The following SYNRG variants were observed in gnomAD, a reference collection of about 807,000 sequenced individuals.
SYNRG encodes the protein AP1 gamma subunit binding protein 1.
Under a neutral mutation model 130.9 loss-of-function variants are expected in SYNRG, and 37 were observed. That is an observed-to-expected ratio of 0.28 (90% CI 0.22 to 0.37). The LOEUF (loss-of-function observed/expected upper bound fraction) is 0.37. Ranked by LOEUF, SYNRG falls within the 10% of genes least tolerant of loss-of-function variation. The pLI, the probability that SYNRG is intolerant of heterozygous loss-of-function variation, is 1.00. For missense variants in SYNRG, 1,338 were observed against 1,588.9 expected (o/e 0.84, Z 2.68); for synonymous variants, 539 against 568.1 (o/e 0.95, Z 0.73).
rs187822738 is a variant in SYNRG, at chr17:37,517,650, T to C, written c.*1290A>G. On this transcript the variant is annotated 3_prime_UTR_variant, in exon 22 of 22. Coordinates refer to ENST00000612223, the MANE Select transcript of SYNRG (RefSeq NM_007247.6). ...AAATTATGTAAAAGCAGCAATTATA[T>C]AGACAAGACCAACTTTTTCAGTTTA... is the stretch of plus-strand genomic sequence containing the variant. 1.3e-5 allele frequency: 2 copies of C among 152,254 alleles called. No individual in the cohort carries two copies. The highest frequency in any genetic ancestry group is 2.1e-4 in the South Asian group (1 of 4,822). 9.4% of individuals were successfully genotyped at this position (152,254 alleles called of 1,614,324 possible).
intron 13 of SYNRG, among the ~76,000 whole-genome samples, chr17:37,559,629 G>A (rs1437664355): frequency 6.6e-6 from 1 of 152,176 alleles, no homozygotes; most frequent in Admixed American, 6.5e-5. Flanking sequence ...GGTGGAGGTT[G>A]CAGTGAGCCA....
chr17:37,534,241 C>A (rs2056977075), intron 19 of SYNRG, among the ~76,000 whole-genome samples: 1 of 151,800 alleles, frequency 6.6e-6, no homozygotes, highest in Admixed American at 6.6e-5. Context: ...CCATGCCCAG[C>A]CTAATTTCAT....
chr17:37,528,723 C>T (rs558848073), intron 19 of SYNRG, among the ~76,000 whole-genome samples: 42 of 152,182 alleles, frequency 2.8e-4, no homozygotes, highest in Non-Finnish European at 4.1e-4. Context: ...TACATTTATG[C>T]AGCTATTCTT....
intron 19 of SYNRG, among the ~76,000 whole-genome samples, chr17:37,534,506 G>C (rs895831048): frequency 6.6e-6 from 1 of 152,022 alleles, no homozygotes; most frequent in African/African-American, 2.4e-5. Flanking sequence ...CATGACAGGG[G>C]TGAGCCACTG....
rs1598740018 is a variant in SYNRG at position 37,609,411 on chromosome 17, C to G, written c.-56G>C. 5 of 1,358,808 alleles carry G rather than the reference C, an allele frequency of 3.7e-6. No individual in the cohort carries two copies. In the East Asian group the frequency reaches 1.2e-4, roughly 34 times the overall value. The allele number at this position is 1,358,808 out of a possible 1,614,324, so 84.2% of individuals were successfully genotyped here. Reference sequence around the variant, plus strand: ...CCGCCACCTTATCAGCAGCTGTCAGCTGAACACAGCCACTTCCGGGTCAAA... The same window carrying G: ...CCGCCACCTTATCAGCAGCTGTCAGGTGAACACAGCCACTTCCGGGTCAAA... On this transcript the variant is annotated 5_prime_UTR_variant, in exon 1 of 22. Transcript: ENST00000612223.
intron 3 of SYNRG, among the ~76,000 whole-genome samples, chr17:37,590,970 G>A (rs1297785900): frequency 6.6e-6 from 1 of 152,052 alleles, no homozygotes; most frequent in Non-Finnish European, 1.5e-5. Context: ...CAACTTCTGA[G>A]GAAGGAGAGG....
chr17:37,534,011 T>C (rs2056944163), intron 19 of SYNRG, among the ~76,000 whole-genome samples: 1 of 137,720 alleles, frequency 7.3e-6, no homozygotes, highest in Non-Finnish European at 1.5e-5. Context: ...CTCAGCTTAC[T>C]ACAACCTCCA....
At chr17:37,562,639 G>T (rs751191302) in intron 11 of SYNRG, among the ~76,000 whole-genome samples, 2 of 152,148 alleles carry the variant, frequency 1.3e-5, no homozygotes, top group Non-Finnish European at 2.9e-5. Context: ...TGCTAATGGG[G>T]TACACAGTCC....
In SYNRG at chr17:37,542,304, G is replaced by A; in HGVS notation, c.2870C>T (p.Pro957Leu). The A allele has an allele frequency of 1.2e-6, 2 of 1,614,204 alleles. No homozygotes were observed. The highest frequency in any genetic ancestry group is 1.7e-6 in the Non-Finnish European group (2 of 1,180,048). Reference sequence around the variant, plus strand: ...GGCAAGAGCTGGGAAGGTGGTCTCTGGAAGAGCATCTTCACTTACAAAGGT... The same window carrying A: ...GGCAAGAGCTGGGAAGGTGGTCTCTAGAAGAGCATCTTCACTTACAAAGGT... ...VTTFVSEDAL[P>L]ETTFPALASF... Residue 957 changes from proline to leucine, a missense_variant, in exon 15 of 22, where the codon CCA becomes CTA. By Grantham distance (98) the Pro-to-Leu change is moderately conservative (BLOSUM62 -3). Transcript: ENST00000612223.
At position 37,519,389 on chromosome 17, in the gene SYNRG, A is replaced by G. The variant is rs1345089343; in HGVS notation, c.3814-318T>C. On this transcript the variant is annotated intron_variant, in intron 21 of 21. Transcript: ENST00000612223. ...GAACTGAAGTAGCCAAGGGCTGTGG[A>G]TAGCTTTCATCCCTCACTGTGCTGA... Among the ~76,000 whole-genome samples the G allele has an allele frequency of 4.6e-5, 7 of 152,262 alleles. No individual in the cohort carries two copies. The East Asian group carries it at 1.2e-3, about 25-fold the overall frequency.
chr17:37,582,756 G>A lies in SYNRG; in HGVS notation c.589+1892C>T, dbSNP rs148419408. Among the ~76,000 whole-genome samples the A allele has an allele frequency of 6.4e-3, 972 of 152,162 alleles. 6 individuals are homozygous for A. The highest frequency in any genetic ancestry group is 0.022 in the African/African-American group (919 of 41,488). ...CGCATCTGTAGTCCCGGTTACTCAC[G>A]AGGTTGAAGTGGTAGGATTGTCTGA... is the stretch of plus-strand genomic sequence containing the variant. On this transcript the variant is annotated intron_variant, in intron 6 of 21. Coordinates refer to ENST00000612223, the MANE Select transcript of SYNRG (RefSeq NM_007247.6).
chr17:37,595,740 C>T (rs1035339158), intron 3 of SYNRG, among the ~76,000 whole-genome samples: 1 of 150,420 alleles, frequency 6.6e-6, no homozygotes, highest in Non-Finnish European at 1.5e-5. Context: ...AAGCAAAAAC[C>T]TTTTTTTCCT....
chr17:37,562,716 T>C (rs184716989), intron 11 of SYNRG, among the ~76,000 whole-genome samples: 14 of 152,268 alleles, frequency 9.2e-5, no homozygotes, highest in African/African-American at 3.1e-4. Flanking sequence ...ACATAACTGA[T>C]CTTGACAAAT....
At chr17:37,550,549 C>T (rs1387497704) in intron 14 of SYNRG, among the ~76,000 whole-genome samples, 1 of 151,760 alleles carries the variant, frequency 6.6e-6, no homozygotes, top group Non-Finnish European at 1.5e-5. Flanking sequence ...TTACAGATCA[C>T]AAAAGAGAGT....
chr17:37,596,583 T>C (rs995366099), intron 2 of SYNRG, among the ~76,000 whole-genome samples: 3 of 152,158 alleles, frequency 2.0e-5, no homozygotes, highest in African/African-American at 7.2e-5. Flanking sequence ...TCTATGGAAT[T>C]TGTATGCATA....
At chr17:37,531,475 T>C (rs2056624627) in intron 19 of SYNRG, among the ~76,000 whole-genome samples, 1 of 152,106 alleles carries the variant, frequency 6.6e-6, no homozygotes, top group African/African-American at 2.4e-5. Flanking sequence ...TAAAAGAATA[T>C]TTAAAAATCC....
intron 11 of SYNRG, among the ~76,000 whole-genome samples, chr17:37,565,517 G>A (rs1383727380): frequency 6.6e-6 from 1 of 151,616 alleles, no homozygotes; most frequent in African/African-American, 2.4e-5. Context: ...CGTCTGGGAT[G>A]TGAGGAGCCC....
chr17:37,563,477 A>T (rs2059692740), intron 11 of SYNRG, among the ~76,000 whole-genome samples: 1 of 152,264 alleles, frequency 6.6e-6, no homozygotes, highest in Admixed American at 6.5e-5. Flanking sequence ...TGATTTCAGC[A>T]GAATAAACTA....
intron 6 of SYNRG, among the ~76,000 whole-genome samples, chr17:37,582,686 T>A (rs561798136): frequency 1.6e-3 from 242 of 152,060 alleles, no homozygotes; most frequent in African/African-American, 5.7e-3. Context: ...CATGGTGAAA[T>A]CCCGTCTCTA....
Sources: allele counts gnomAD v4.1 joint callset (sites outside exome capture counted in the v4.1 genomes callset), GRCh38; gene constraint gnomAD v4.1.1; transcripts MANE v1.5; gene names NCBI Gene and HGNC (gene_info 2026-07-23, HGNC 2026-07-21).